The following HS6ST3 variants were observed in gnomAD, a reference collection of about 807,000 sequenced individuals.
HS6ST3 encodes heparan-sulfate 6-O-sulfotransferase 3.
A neutral mutation model predicts 36.7 loss-of-function variants in HS6ST3; 12 were observed. The ratio of observed to expected loss-of-function variants is 0.33; its 90% CI spans 0.21 to 0.53. The LOEUF (loss-of-function observed/expected upper bound fraction) is 0.53, where lower values mean the gene tolerates loss of function less well. Ranked by LOEUF, HS6ST3 falls within the 20% of genes least tolerant of loss-of-function variation. HS6ST3 has a pLI of 0.95. For missense variants in HS6ST3, 584 were observed against 640.9 expected (o/e 0.91, Z 0.96); for synonymous variants, 240 against 257.5 (o/e 0.93, Z 0.65).
In HS6ST3 at chr13:96,306,266, G is replaced by A. The variant is rs534551282; in HGVS notation, c.707+214697G>A. Among the ~76,000 whole-genome samples, 7 of 152,112 alleles carry A rather than the reference G, an allele frequency of 4.6e-5. No homozygotes were observed. In the South Asian group the frequency reaches 1.5e-3, roughly 32 times the overall value. ...CTACAGGTGCATGCCACCATGCCCA[G>A]CTAATTTTTGTATTTTTAGTAGAGA... is the stretch of plus-strand genomic sequence containing the variant. On this transcript the variant is annotated intron_variant, in intron 1 of 1. Transcript: ENST00000376705.
chr13:96,261,397 T>C (rs1472885220), intron 1 of HS6ST3, among the ~76,000 whole-genome samples: 1 of 151,842 alleles, frequency 6.6e-6, no homozygotes, highest in African/African-American at 2.4e-5. Flanking sequence ...ATATAGAGAG[T>C]ACCAATTGTA....
intron 1 of HS6ST3, among the ~76,000 whole-genome samples, chr13:96,685,832 G>A (rs1436689745): frequency 6.6e-6 from 1 of 151,956 alleles, no homozygotes; most frequent in African/African-American, 2.4e-5. Flanking sequence ...CAAGAAATGT[G>A]ATCCACATGC....
At chr13:96,507,394 C>G (rs1255235716) in intron 1 of HS6ST3, among the ~76,000 whole-genome samples, 1 of 152,064 alleles carries the variant, frequency 6.6e-6, no homozygotes, top group Non-Finnish European at 1.5e-5. Flanking sequence ...GGAGTAAGGC[C>G]AGACCCTGAT....
intron 1 of HS6ST3, among the ~76,000 whole-genome samples, chr13:96,648,897 A>G (rs960200262): frequency 5.9e-5 from 9 of 152,016 alleles, no homozygotes; most frequent in Non-Finnish European, 5.9e-5. Context: ...TATCCAGTCT[A>G]TCATTGATGA....
chr13:96,419,512 G>C (rs933245290), intron 1 of HS6ST3, among the ~76,000 whole-genome samples: 6 of 152,320 alleles, frequency 3.9e-5, no homozygotes, highest in African/African-American at 1.4e-4. Context: ...TGGATGGATA[G>C]ATAGAGAGGT....
chr13:96,599,128 T>A (rs2056412542), intron 1 of HS6ST3, among the ~76,000 whole-genome samples: 1 of 152,072 alleles, frequency 6.6e-6, no homozygotes, highest in Admixed American at 6.6e-5. Flanking sequence ...TGGTCTGTAG[T>A]TTTTTCTTTC....
intron 1 of HS6ST3, among the ~76,000 whole-genome samples, chr13:96,696,866 C>T (rs1179310608): frequency 6.6e-6 from 1 of 151,994 alleles, no homozygotes; most frequent in East Asian, 1.9e-4. Context: ...TCTCACCAAA[C>T]CAAAAAATAA....
chr13:96,604,487 A>T (rs145781032), intron 1 of HS6ST3, among the ~76,000 whole-genome samples: 1 of 152,158 alleles, frequency 6.6e-6, no homozygotes, highest in African/African-American at 2.4e-5. Flanking sequence ...TATCAGATAC[A>T]TTTGTTTTGG....
intron 1 of HS6ST3, among the ~76,000 whole-genome samples, chr13:96,398,141 A>C (rs1227999921): frequency 6.6e-6 from 1 of 152,126 alleles, no homozygotes; most frequent in African/African-American, 2.4e-5. Context: ...AAATATAATA[A>C]TGTGTGCAAA....
intron 1 of HS6ST3, among the ~76,000 whole-genome samples, chr13:96,565,300 A>C (rs1416886839): frequency 6.6e-6 from 1 of 152,088 alleles, no homozygotes; most frequent in Non-Finnish European, 1.5e-5. Context: ...ATAAAGTAAC[A>C]GAAGGGGATA....
chr13:96,445,296 CTG>C (rs1300044813), intron 1 of HS6ST3, among the ~76,000 whole-genome samples: 1 of 152,122 alleles, frequency 6.6e-6, no homozygotes, highest in Non-Finnish European at 1.5e-5. Flanking sequence ...TGAGTAAAAA[CTG>C]TGTCAGGAGA....
chr13:96,538,710 C>T (rs1648324630), intron 1 of HS6ST3, among the ~76,000 whole-genome samples: 1 of 152,232 alleles, frequency 6.6e-6, no homozygotes, highest in Non-Finnish European at 1.5e-5. Flanking sequence ...TCCCATAGTG[C>T]TGGGATTACA....
intron 1 of HS6ST3, among the ~76,000 whole-genome samples, chr13:96,435,424 A>G (rs542509139): frequency 6.6e-6 from 1 of 152,102 alleles, no homozygotes; most frequent in East Asian, 1.9e-4. Flanking sequence ...TGACATACCC[A>G]TCTGGCCAGC....
chr13:96,107,307 C>G lies in HS6ST3; in HGVS notation c.707+15738C>G, dbSNP rs897811405. Among the ~76,000 whole-genome samples, 5 of 152,156 alleles carry G rather than the reference C, an allele frequency of 3.3e-5. No homozygotes were observed. In the South Asian group the frequency reaches 1.0e-3, roughly 32 times the overall value. On this transcript the variant is annotated intron_variant, in intron 1 of 1. Coordinates refer to ENST00000376705, the MANE Select transcript of HS6ST3 (RefSeq NM_153456.4). The stretch of plus-strand genomic sequence containing the variant: ...TTGAGATGCTGGAGTGGAGACTATT[C>G]CTTGTATGGTCTCTGTAAATGGCTG...
intron 1 of HS6ST3, among the ~76,000 whole-genome samples, chr13:96,722,223 C>T (rs1026767280): frequency 1.6e-4 from 24 of 152,046 alleles, no homozygotes; most frequent in Non-Finnish European, 1.5e-5. Context: ...CAACATTGTG[C>T]CACTGCACTC....
chr13:96,166,314 G>T (rs1339942216), intron 1 of HS6ST3, among the ~76,000 whole-genome samples: 1 of 151,958 alleles, frequency 6.6e-6, no homozygotes. Flanking sequence ...TTCTCATACT[G>T]CTCTGACCCC....
intron 1 of HS6ST3, among the ~76,000 whole-genome samples, chr13:96,356,276 A>T (rs2055209602): frequency 6.6e-6 from 1 of 152,190 alleles, no homozygotes; most frequent in Admixed American, 6.5e-5. Context: ...TCCTTCCATG[A>T]ATCATAAATG....
chr13:96,571,638 G>A (rs1390054337), intron 1 of HS6ST3, among the ~76,000 whole-genome samples: 2 of 152,164 alleles, frequency 1.3e-5, no homozygotes, highest in Admixed American at 1.3e-4. Context: ...AGTAATTGTT[G>A]CTTGAGAAGA....
At chr13:96,181,604 C>G (rs2054240373) in intron 1 of HS6ST3, among the ~76,000 whole-genome samples, 1 of 152,158 alleles carries the variant, frequency 6.6e-6, no homozygotes, top group East Asian at 1.9e-4. Context: ...GCTGGGGTCT[C>G]TGTCTTAGAG....
Sources: gnomAD v4.1 joint callset for allele counts (sites outside exome capture counted in the v4.1 genomes callset) on GRCh38, gnomAD v4.1.1 for gene constraint, MANE v1.5 for transcripts, NCBI Gene and HGNC (gene_info 2026-07-23, HGNC 2026-07-21) for gene names.